The following PCDH15 variants were observed in gnomAD, a reference collection of about 807,000 sequenced individuals.
PCDH15 encodes the protein protocadherin related 15.
In PCDH15, 129 loss-of-function variants were observed where a neutral mutation model predicts 178.5. That is an observed-to-expected ratio of 0.72 (90% CI 0.63 to 0.84). PCDH15 has a LOEUF of 0.84. PCDH15 is among the 40% of genes least tolerant of loss of function. PCDH15 has a pLI of 0.00. For missense variants in PCDH15, 2,230 were observed against 2,099.9 expected (o/e 1.06, Z -1.21); for synonymous variants, 800 against 732.0 (o/e 1.09, Z -1.50).
chr10:55,339,421 A>G (rs1193612142), intron 2 of PCDH15, among the ~76,000 whole-genome samples: 1 of 152,180 alleles, frequency 6.6e-6, no homozygotes, highest in East Asian at 1.9e-4. Context: ...TGGAACATGT[A>G]TAAACAAGAT....
chr10:55,382,558 C>A (rs552135001), intron 2 of PCDH15, among the ~76,000 whole-genome samples: 3 of 152,238 alleles, frequency 2.0e-5, no homozygotes, highest in African/African-American at 7.2e-5. Context: ...AGGTACACGG[C>A]CAGAACAAAT....
At chr10:54,493,244 C>T (rs560006262) in intron 3 of PCDH15, among the ~76,000 whole-genome samples, 2 of 151,910 alleles carry the variant, frequency 1.3e-5, no homozygotes, top group South Asian at 4.2e-4. Context: ...CTTAGGCATC[C>T]ACTGGGGGTC....
At chr10:55,071,812 C>T (rs866375819) in intron 2 of PCDH15, among the ~76,000 whole-genome samples, 31 of 152,208 alleles carry the variant, frequency 2.0e-4, no homozygotes, top group African/African-American at 7.2e-4. Flanking sequence ...CAGCACCACA[C>T]CACACCTATT....
chr10:53,908,996 G>A (rs761521150), intron 25 of PCDH15, among the ~76,000 whole-genome samples: 1 of 152,112 alleles, frequency 6.6e-6, no homozygotes, highest in African/African-American at 2.4e-5. Context: ...AATTATGGAA[G>A]CATTGTGACT....
At chr10:54,238,677 T>TCTCTCA (rs1186937599) in intron 8 of PCDH15, among the ~76,000 whole-genome samples, 3 of 144,362 alleles carry the variant, frequency 2.1e-5, no homozygotes, top group Non-Finnish European at 3.0e-5. Flanking sequence ...TCTCTCTCTC[T>TCTCTCA]CACACACACA....
intron 1 of PCDH15, among the ~76,000 whole-genome samples, chr10:54,709,271 C>G (rs555369366): frequency 2.0e-5 from 3 of 151,872 alleles, no homozygotes; most frequent in Admixed American, 6.6e-5. Flanking sequence ...GAATTTTATA[C>G]GTAAGTAAAG....
chr10:55,309,686 G>A (rs1178100390), intron 1 of PCDH15, among the ~76,000 whole-genome samples: 2 of 152,254 alleles, frequency 1.3e-5, no homozygotes, highest in East Asian at 1.9e-4. Context: ...TAAACTTTAA[G>A]TGGGAAATCT....
At chr10:54,255,210 ATCCTGACATCGATT>A (rs1443894968) in intron 8 of PCDH15, among the ~76,000 whole-genome samples, 2 of 152,128 alleles carry the variant, frequency 1.3e-5, no homozygotes, top group African/African-American at 2.4e-5. Flanking sequence ...GCCTTCCTAT[ATCCTGACATCGATT>A]TCCTTCTTTT....
intron 32 of PCDH15, among the ~76,000 whole-genome samples, chr10:53,824,656 T>A (rs533625491): frequency 1.3e-5 from 2 of 152,238 alleles, no homozygotes; most frequent in African/African-American, 2.4e-5. Flanking sequence ...ACTCTTCGAA[T>A]CTTGAAAAGT....
At chr10:54,083,127 A>G (rs571934675) in intron 16 of PCDH15, among the ~76,000 whole-genome samples, 4 of 152,316 alleles carry the variant, frequency 2.6e-5, no homozygotes, top group Admixed American at 2.6e-4. Context: ...ACAACAACAA[A>G]AAATAATTGT....
At chr10:54,827,777 A>G (rs1953155504) in intron 3 of PCDH15, among the ~76,000 whole-genome samples, 1 of 152,110 alleles carries the variant, frequency 6.6e-6, no homozygotes, top group South Asian at 2.1e-4. Context: ...ACCATGTTCC[A>G]AGTTCTCTGA....
At chr10:53,954,253 T>A (rs2134214659) in intron 23 of PCDH15, among the ~76,000 whole-genome samples, 1 of 152,372 alleles carries the variant, frequency 6.6e-6, no homozygotes, top group African/African-American at 2.4e-5. Flanking sequence ...GTTTTTCCTT[T>A]AGTAAATATT....
intron 18 of PCDH15, among the ~76,000 whole-genome samples, chr10:54,050,151 G>A (rs2093737407): frequency 6.6e-6 from 1 of 152,122 alleles, no homozygotes; most frequent in African/African-American, 2.4e-5. Context: ...GCTCTTCTCT[G>A]TATGTCTGGT....
At chr10:54,313,021 G>A (rs1014370614) in intron 8 of PCDH15, among the ~76,000 whole-genome samples, 1 of 151,976 alleles carries the variant, frequency 6.6e-6, no homozygotes, top group Non-Finnish European at 1.5e-5. Context: ...GGCTCAATCT[G>A]TTAAAAATGA....
chr10:54,774,716 A>C (rs1949502539), intron 1 of PCDH15, among the ~76,000 whole-genome samples: 1 of 152,160 alleles, frequency 6.6e-6, no homozygotes, highest in South Asian at 2.1e-4. Flanking sequence ...TAGTAGGTAA[A>C]ACCTAAATGT....
chr10:54,991,180 A>G lies in PCDH15; in HGVS notation c.-79-93680T>C, dbSNP rs74136313. Among the ~76,000 whole-genome samples the G allele has an allele frequency of 3.4e-3, 514 of 152,276 alleles. 3 individuals carry two copies. The highest frequency in any genetic ancestry group is 0.012 in the African/African-American group (502 of 41,574). On this transcript the variant is annotated intron_variant, in intron 2 of 5. Transcript: ENST00000458638. ...TATTTGTGAATATGTTGTTTAATCA[A>G]TAGTATTGACCACTGTCTTTTTAAG...
At chr10:55,564,249 A>C (rs951648438) in intron 2 of PCDH15, among the ~76,000 whole-genome samples, 5 of 151,742 alleles carry the variant, frequency 3.3e-5, no homozygotes, top group African/African-American at 1.2e-4. Context: ...TAACTAAAAA[A>C]ATGTGAATGA....
chr10:54,682,311 G>T (rs762108452), intron 1 of PCDH15, among the ~76,000 whole-genome samples: 2 of 152,164 alleles, frequency 1.3e-5, no homozygotes, highest in Non-Finnish European at 2.9e-5. Context: ...AAAACACTTG[G>T]ATAGTAGCAA....
intron 2 of PCDH15, among the ~76,000 whole-genome samples, chr10:55,137,613 T>TTAG (rs71461280): frequency 3.3e-5 from 5 of 151,622 alleles, no homozygotes; most frequent in African/African-American, 1.2e-4. Context: ...ATTTATTCAA[T>TTAG]TAAGATATAT....
Sources: allele counts gnomAD v4.1 joint callset (sites outside exome capture counted in the v4.1 genomes callset), GRCh38; gene constraint gnomAD v4.1.1; transcripts MANE v1.5; gene names NCBI Gene and HGNC (gene_info 2026-07-23, HGNC 2026-07-21).